The following USP15 variants were observed in gnomAD, a reference collection of about 807,000 sequenced individuals.
The protein encoded by USP15 is ubiquitin carboxyl-terminal hydrolase 15.
USP15 carries 18 observed loss-of-function variants against 127.1 expected under a neutral mutation model. That is an observed-to-expected ratio of 0.14 (90% CI 0.10 to 0.21). The LOEUF (loss-of-function observed/expected upper bound fraction) is 0.21. Ranked by LOEUF, USP15 falls within the 10% of genes least tolerant of loss-of-function variation. USP15 has a pLI of 1.00. For synonymous variants in USP15, 364 were observed against 393.7 expected (o/e 0.92, Z 0.89); for missense variants, 805 against 1,159.9 (o/e 0.69, Z 4.44).
chr12:62,307,838 A>G (rs2064531386), intron 3 of USP15, among the ~76,000 whole-genome samples: 2 of 152,146 alleles, frequency 1.3e-5, no homozygotes, highest in South Asian at 2.1e-4. Flanking sequence ...AATGTACATC[A>G]TTCACTTCAC....
chr12:62,314,881 T>C lies in USP15; in HGVS notation c.440T>C (p.Val147Ala). ...TGTGAAAATGGAAACATGAATAATGTTGTAACTCGAAGATTTAGCAAAGCT... is the reference window on the plus strand; with the variant it reads ...TGTGAAAATGGAAACATGAATAATGCTGTAACTCGAAGATTTAGCAAAGCT... ...KLCENGNMNNVVTRRFSKADT... is the reference protein window; with the variant it reads ...KLCENGNMNNAVTRRFSKADT... Residue 147 changes from valine to alanine, a missense_variant, in exon 4 of 22, where the codon GTT becomes GCT. Val to Ala is a moderately conservative substitution (Grantham distance 64). Coordinates refer to ENST00000280377, the MANE Select transcript of USP15 (RefSeq NM_001252078.2). The C allele has an allele frequency of 6.3e-7, 1 of 1,594,654 alleles. No individual in the cohort carries two copies. The highest frequency in any genetic ancestry group is 2.3e-5 in the East Asian group (1 of 43,658).
intron 6 of USP15, among the ~76,000 whole-genome samples, chr12:62,333,178 A>G (rs900762116): frequency 6.6e-6 from 1 of 151,932 alleles, no homozygotes; most frequent in Non-Finnish European, 1.5e-5. Flanking sequence ...TCATTCAGCC[A>G]GTTCATACAT....
At chr12:62,281,714 T>C (rs965923031) in intron 1 of USP15, among the ~76,000 whole-genome samples, 1 of 152,098 alleles carries the variant, frequency 6.6e-6, no homozygotes, top group African/African-American at 2.4e-5. Context: ...AGAAATATGG[T>C]GCCCTTTTTC....
chr12:62,328,486 G>A, intron 6 of USP15: 6 of 193,334 alleles, frequency 3.1e-5, no homozygotes, highest in East Asian at 1.3e-4. Context: ...AACCCACTTA[G>A]AAAATAGTCT....
intron 8 of USP15, among the ~76,000 whole-genome samples, chr12:62,358,422 T>C (rs944780114): frequency 2.0e-5 from 3 of 152,058 alleles, no homozygotes; most frequent in Admixed American, 2.0e-4. Flanking sequence ...AAAATAACAA[T>C]ACAACAGTTT....
chr12:62,340,531 A>T (rs1188854452), intron 6 of USP15, among the ~76,000 whole-genome samples: 3 of 152,208 alleles, frequency 2.0e-5, no homozygotes, highest in African/African-American at 7.2e-5. Context: ...ATTTAGTGCT[A>T]TAAATTTCCC....
intron 6 of USP15, among the ~76,000 whole-genome samples, chr12:62,331,549 A>G (rs773478488): frequency 2.5e-4 from 38 of 152,202 alleles, no homozygotes; most frequent in South Asian, 4.1e-4. Context: ...TATTACCACA[A>G]GTAGGCACAC....
chr12:62,335,249 T>C, intron 6 of USP15: 1 of 1,526,472 alleles, frequency 6.6e-7, no homozygotes, highest in Non-Finnish European at 8.7e-7. Flanking sequence ...CTGGTTATCA[T>C]CCACAGACTG....
intron 20 of USP15, among the ~76,000 whole-genome samples, chr12:62,400,643 G>A (rs1223038842): frequency 6.6e-6 from 1 of 150,700 alleles, no homozygotes; most frequent in Non-Finnish European, 1.5e-5. Flanking sequence ...ATAGCATAAT[G>A]AGTAGAGGTA....
intron 6 of USP15, among the ~76,000 whole-genome samples, chr12:62,347,819 C>T (rs976306990): frequency 6.6e-6 from 1 of 151,950 alleles, no homozygotes; most frequent in Non-Finnish European, 1.5e-5. Context: ...TAACAGAATC[C>T]AGTAATATAT....
Position 62,404,500 on chromosome 12 carries a change from C to A in USP15, c.*125C>A, listed in dbSNP as rs2067805338. 7.5e-7 allele frequency: 1 copy of A among 1,336,938 alleles called. No homozygotes were observed. The highest frequency in any genetic ancestry group is 1.9e-5 in the South Asian group (1 of 54,048). The allele number at this position is 1,336,938 out of a possible 1,614,324, so 82.8% of individuals were successfully genotyped here. A position where few individuals can be genotyped will look rare whatever the true frequency, so the allele number is the denominator to read the frequency against. On this transcript the variant is annotated 3_prime_UTR_variant, in exon 22 of 22. Transcript: ENST00000280377. ...GAGTTTCAGATAACCGAATGTAAATCCTTTATCAGATTTTAACTTGTGCAG... is the reference window on the plus strand; with the variant it reads ...GAGTTTCAGATAACCGAATGTAAATACTTTATCAGATTTTAACTTGTGCAG...
rs191245013 is a variant in USP15 at position 62,305,513 on chromosome 12, C to A, written c.348+2593C>A. On this transcript the variant is annotated intron_variant, in intron 3 of 21. Transcript: ENST00000280377. ...ACTAATAGAATTTGTTACCTGCAGA[C>A]GTGTATTAAAGGCACTACAAAATAA... 3 of 152,004 alleles carry A rather than the reference C, an allele frequency of 2.0e-5. No homozygotes were observed. In the East Asian group the frequency reaches 5.8e-4, roughly 29 times the overall value. 9.4% of individuals were successfully genotyped at this position (152,004 alleles called of 1,614,324 possible). A position where few individuals can be genotyped will look rare whatever the true frequency, so the allele number is the denominator to read the frequency against.
At chr12:62,343,693 C>T (rs2065721074) in intron 6 of USP15, among the ~76,000 whole-genome samples, 1 of 152,166 alleles carries the variant, frequency 6.6e-6, no homozygotes, top group African/African-American at 2.4e-5. Context: ...AGCAGTGCCC[C>T]ACCCTGCTTC....
At chr12:62,335,246 T>C (rs2065425897) in intron 6 of USP15, 1 of 1,533,950 alleles carries the variant, frequency 6.5e-7, no homozygotes, top group Non-Finnish European at 8.7e-7. Context: ...GCTCTGGTTA[T>C]CATCCACAGA....
intron 8 of USP15, among the ~76,000 whole-genome samples, chr12:62,358,016 A>G (rs2066190632): frequency 6.6e-6 from 1 of 152,106 alleles, no homozygotes; most frequent in African/African-American, 2.4e-5. Flanking sequence ...GAAATTGAAG[A>G]CGTTCATGAA....
intron 2 of USP15, among the ~76,000 whole-genome samples, chr12:62,295,125 A>G (rs994047808): frequency 2.0e-5 from 3 of 152,114 alleles, no homozygotes; most frequent in Admixed American, 2.0e-4. Context: ...TCAGAGAGAG[A>G]GAGACCTAGA....
chr12:62,297,607 C>G (rs2064172124), intron 2 of USP15, among the ~76,000 whole-genome samples: 1 of 152,142 alleles, frequency 6.6e-6, no homozygotes, highest in Non-Finnish European at 1.5e-5. Context: ...TCTGCATGCA[C>G]AAGTACAGAA....
At chr12:62,368,151 T>G (rs2066540744) in intron 8 of USP15, among the ~76,000 whole-genome samples, 1 of 152,222 alleles carries the variant, frequency 6.6e-6, no homozygotes, top group African/African-American at 2.4e-5. Context: ...AGTTCTAATT[T>G]GATTTTACTG....
intron 8 of USP15, among the ~76,000 whole-genome samples, chr12:62,366,667 T>C (rs1455131998): frequency 1.3e-5 from 2 of 152,208 alleles, no homozygotes; most frequent in Admixed American, 1.3e-4. Flanking sequence ...GCCCATTCAG[T>C]ATGATATTGG....
Sources: gnomAD v4.1 joint callset for allele counts (sites outside exome capture counted in the v4.1 genomes callset) on GRCh38, gnomAD v4.1.1 for gene constraint, MANE v1.5 for transcripts, NCBI Gene and HGNC (gene_info 2026-07-23, HGNC 2026-07-21) for gene names.